Variants in SORCS3 observed in about 807,000 individuals in gnomAD.
SORCS3 encodes VPS10 domain-containing receptor SorCS3.
SORCS3 carries 57 observed loss-of-function variants against 146.3 expected under a neutral mutation model. The observed-to-expected ratio is 0.39, with a 90% CI of 0.31 to 0.49. The LOEUF (loss-of-function observed/expected upper bound fraction) is 0.49. Among genes scored for constraint, SORCS3 ranks in the 20% least tolerant of loss-of-function variants. The pLI is 0.92. For synonymous variants in SORCS3, 653 were observed against 618.5 expected (o/e 1.06, Z -0.83); for missense variants, 1,341 against 1,575.5 (o/e 0.85, Z 2.52).
At chr10:105,153,571 C>T (rs550488276) in intron 9 of SORCS3, among the ~76,000 whole-genome samples, 2 of 152,006 alleles carry the variant, frequency 1.3e-5, no homozygotes, top group South Asian at 4.1e-4. Context: ...ATGAGAGTAG[C>T]AGTTGCTTCA....
intron 4 of SORCS3, among the ~76,000 whole-genome samples, chr10:105,007,830 A>G (rs760251964): frequency 6.6e-6 from 1 of 152,168 alleles, no homozygotes; most frequent in East Asian, 1.9e-4. Context: ...CCTGCCTTCA[A>G]AGAGCTCAGA....
At position 105,201,258 on chromosome 10, in the gene SORCS3, G is replaced by A. The variant is rs2056573071; in HGVS notation, c.2261+5G>A. 6.2e-7 allele frequency: 1 copy of A among 1,601,894 alleles called. No homozygotes were observed. ...TGCCAATTGGGACTTCGAGTGGTGA[G>A]TTGTTTGGCATTTCATTACCAATTC... On this transcript the variant is annotated splice_donor_5th_base_variant and intron_variant, in intron 16 of 26. Transcript: ENST00000369701.
chr10:105,139,469 A>G lies in SORCS3; in HGVS notation c.1285A>G (p.Lys429Glu). The G allele has an allele frequency of 6.2e-7, 1 of 1,613,432 alleles. No individual in the cohort carries two copies. Among genetic ancestry groups the G allele is most frequent in the Non-Finnish European group, 8.5e-7 (1 of 1,179,480 alleles). ...REAFAQIKLP[K>E]YSLPKDMHII... Reference sequence around the variant, plus strand: ...GGCCTTTGCTCAGATAAAGCTGCCTAAGTACTCGTTGCCAAAGGTACTGCA... The same window carrying G: ...GGCCTTTGCTCAGATAAAGCTGCCTGAGTACTCGTTGCCAAAGGTACTGCA... The change falls in exon 8 of 27, where the codon AAG (lysine) becomes GAG (glutamate). Residue 429 changes from lysine to glutamate, a missense_variant. Coordinates refer to ENST00000369701, the MANE Select transcript of SORCS3 (RefSeq NM_014978.3).
At chr10:105,092,775 A>G (rs930986464) in intron 6 of SORCS3, among the ~76,000 whole-genome samples, 1 of 152,218 alleles carries the variant, frequency 6.6e-6, no homozygotes, top group African/African-American at 2.4e-5. Context: ...CAAACAAACA[A>G]AAAAGCAAGT....
At chr10:104,901,702 G>A (rs952587418) in intron 2 of SORCS3, among the ~76,000 whole-genome samples, 10 of 152,098 alleles carry the variant, frequency 6.6e-5, no homozygotes, top group Non-Finnish European at 1.3e-4. Context: ...TTAAAATGAT[G>A]TTTTTCAGCC....
At chr10:104,887,969 G>GGGGGGT (rs2018707619) in intron 2 of SORCS3, among the ~76,000 whole-genome samples, 1 of 73,670 alleles carries the variant, frequency 1.4e-5, no homozygotes, top group Non-Finnish European at 2.6e-5. Context: ...CGGGGGGGCG[G>GGGGGGT]GGGCGGAGCA....
intron 1 of SORCS3, among the ~76,000 whole-genome samples, chr10:104,736,525 T>C (rs2016774829): frequency 6.6e-6 from 1 of 152,232 alleles, no homozygotes; most frequent in African/African-American, 2.4e-5. Flanking sequence ...TATTTTAAAT[T>C]GACATCAATG....
At chr10:104,765,604 G>A (rs560618865) in intron 1 of SORCS3, among the ~76,000 whole-genome samples, 74 of 152,318 alleles carry the variant, frequency 4.9e-4, no homozygotes, top group Admixed American at 2.4e-3. Context: ...CTGACATAGA[G>A]TGGACGTTGT....
chr10:105,066,782 A>G (rs1014019626), intron 5 of SORCS3, among the ~76,000 whole-genome samples: 1 of 151,990 alleles, frequency 6.6e-6, no homozygotes, highest in South Asian at 2.1e-4. Flanking sequence ...CCTCCAAATC[A>G]TGACCATTTC....
At chr10:104,731,195 C>T (rs2016702682) in intron 1 of SORCS3, among the ~76,000 whole-genome samples, 1 of 152,198 alleles carries the variant, frequency 6.6e-6, no homozygotes, top group Admixed American at 6.5e-5. Flanking sequence ...TGTGAGGACC[C>T]TGGAGGGAGC....
intron 16 of SORCS3, among the ~76,000 whole-genome samples, chr10:105,209,958 A>G (rs2056624367): frequency 1.3e-5 from 2 of 152,102 alleles, no homozygotes; most frequent in Admixed American, 1.3e-4. Flanking sequence ...TCTCTCCCCC[A>G]AAGACTGAAA....
chr10:105,074,953 A>G (rs1021622085), intron 5 of SORCS3, among the ~76,000 whole-genome samples: 3 of 152,208 alleles, frequency 2.0e-5, no homozygotes, highest in African/African-American at 7.2e-5. Flanking sequence ...CTTGATGAAA[A>G]TTGCCCAAGG....
intron 8 of SORCS3, among the ~76,000 whole-genome samples, chr10:105,147,018 A>C (rs1461142905): frequency 6.6e-6 from 1 of 152,084 alleles, no homozygotes; most frequent in Non-Finnish European, 1.5e-5. Context: ...ACATAATTTC[A>C]TTGGCAGCAG....
At chr10:105,199,904 A>T in intron 14 of SORCS3, 95 bp from the exon 15 acceptor site, 4 of 856,534 alleles carry the variant, frequency 4.7e-6, no homozygotes, top group Non-Finnish European at 7.7e-6. Context: ...TCCAGGCTGC[A>T]GTGAATCTCT....
chr10:104,969,532 A>G (rs1371096861), intron 3 of SORCS3, among the ~76,000 whole-genome samples: 1 of 152,102 alleles, frequency 6.6e-6, no homozygotes, highest in African/African-American at 2.4e-5. Context: ...GAAATCCAGA[A>G]TATGTCAGTA....
intron 4 of SORCS3, among the ~76,000 whole-genome samples, chr10:104,983,574 G>A (rs2054943941): frequency 6.6e-6 from 1 of 152,140 alleles, no homozygotes; most frequent in Non-Finnish European, 1.5e-5. Flanking sequence ...AGGAGGTAGA[G>A]CAATGCAGCC....
chr10:105,257,794 A>C (rs1564797658), intron 25 of SORCS3, among the ~76,000 whole-genome samples: 1 of 152,202 alleles, frequency 6.6e-6, no homozygotes, highest in Admixed American at 6.5e-5. Flanking sequence ...GTAATCAAAA[A>C]AGCTATGCTA....
At chr10:105,223,316 GT>G in intron 20 of SORCS3, 67 bp downstream of exon 20, 1 of 1,471,452 alleles carries the variant, frequency 6.8e-7, no homozygotes, top group Non-Finnish European at 9.1e-7. Context: ...CAGCTTTTAT[GT>G]GTCTATTAGG....
chr10:105,040,088 T>C (rs2055329756), intron 4 of SORCS3, among the ~76,000 whole-genome samples: 1 of 152,186 alleles, frequency 6.6e-6, no homozygotes, highest in South Asian at 2.1e-4. Flanking sequence ...AAAACATGTC[T>C]TAAGTCTAAG....
Sources: allele counts gnomAD v4.1 joint callset (sites outside exome capture counted in the v4.1 genomes callset), GRCh38; gene constraint gnomAD v4.1.1; transcripts MANE v1.5; gene names NCBI Gene and HGNC (gene_info 2026-07-23, HGNC 2026-07-21).